ZFYVE27: variants seen among roughly 807,000 people sequenced by gnomAD.
The protein encoded by ZFYVE27 is protrudin.
In ZFYVE27, 36 loss-of-function variants were observed where a neutral mutation model predicts 52.8. That is an observed-to-expected ratio of 0.68 (90% CI 0.52 to 0.90). The LOEUF is 0.90. Among genes scored for constraint, ZFYVE27 ranks in the 40% least tolerant of loss-of-function variants. The pLI, the probability that ZFYVE27 is intolerant of heterozygous loss-of-function variation, is 0.00. For missense variants in ZFYVE27, 450 were observed against 527.2 expected (o/e 0.85, Z 1.43); for synonymous variants, 223 against 215.6 (o/e 1.03, Z -0.30).
chr10:97,747,483 C>T (rs551376961), intron 4 of ZFYVE27, among the ~76,000 whole-genome samples: 2 of 152,104 alleles, frequency 1.3e-5, no homozygotes, highest in Non-Finnish European at 1.5e-5. Flanking sequence ...ATTATTCTAT[C>T]GACATTTTTT....
chr10:97,754,910 C>G (rs1313466503), intron 10 of ZFYVE27: 2 of 897,292 alleles, frequency 2.2e-6, no homozygotes, highest in African/African-American at 3.6e-5. Flanking sequence ...AAAAAGAGTG[C>G]TTTGCCCAGA....
chr10:97,737,536 A>C (rs781746735), intron 1 of ZFYVE27, among the ~76,000 whole-genome samples: 1 of 152,200 alleles, frequency 6.6e-6, no homozygotes, highest in East Asian at 1.9e-4. Flanking sequence ...TCCTGGGCTC[A>C]TACCTGGCGC....
chr10:97,758,813 G>C (rs1469431744), intron 12 of ZFYVE27, among the ~76,000 whole-genome samples: 1 of 151,480 alleles, frequency 6.6e-6, no homozygotes, highest in East Asian at 2.0e-4. Flanking sequence ...ACAGAGTCTC[G>C]CTCTGTCGCC....
chr10:97,744,442 C>T (rs756983413), intron 3 of ZFYVE27, among the ~76,000 whole-genome samples: 1 of 152,180 alleles, frequency 6.6e-6, no homozygotes, highest in Non-Finnish European at 1.5e-5. Flanking sequence ...AGGATGGGGC[C>T]ACAGCAGTGA....
At chr10:97,749,667 C>A in intron 6 of ZFYVE27, 81 bp downstream of exon 6, 1 of 1,132,600 alleles carries the variant, frequency 8.8e-7, no homozygotes, top group Non-Finnish European at 1.3e-6. Flanking sequence ...TCTGTCTCTA[C>A]AGCTAATCAT....
chr10:97,738,295 G>A (rs1284434412), intron 1 of ZFYVE27, among the ~76,000 whole-genome samples, 182 bp from the exon 2 acceptor site: 1 of 152,182 alleles, frequency 6.6e-6, no homozygotes, highest in Non-Finnish European at 1.5e-5. Flanking sequence ...ATGATTTTTA[G>A]TTTTGATGGA....
chr10:97,744,305 GA>G (rs2044573345), intron 3 of ZFYVE27, among the ~76,000 whole-genome samples: 1 of 152,228 alleles, frequency 6.6e-6, no homozygotes, highest in Non-Finnish European at 1.5e-5. Flanking sequence ...CCTAAAAGCT[GA>G]ACGAAAGGCT....
At chr10:97,743,004 C>T in intron 2 of ZFYVE27, 90 bp from the exon 3 acceptor site, 3 of 1,397,662 alleles carry the variant, frequency 2.1e-6, no homozygotes, top group East Asian at 2.3e-5. Context: ...GCCTCCTCTT[C>T]TGGTTTGATG....
chr10:97,749,613 G>C (rs1291293808), intron 6 of ZFYVE27, 27 bp downstream of exon 6: 2 of 1,589,448 alleles, frequency 1.3e-6, no homozygotes, highest in South Asian at 2.2e-5. Flanking sequence ...CTGAAAGATG[G>C]GGCCCAAGCT....
At chr10:97,757,504 C>T (rs931068097) in intron 11 of ZFYVE27, 138 bp from the exon 12 acceptor site, 148 of 1,255,200 alleles carry the variant, frequency 1.2e-4, no homozygotes, top group Non-Finnish European at 1.6e-4. Context: ...ATTCCATTTG[C>T]TCTCTTTCCT....
chr10:97,755,263 T>A (rs11189357), intron 10 of ZFYVE27, among the ~76,000 whole-genome samples: 95,378 of 152,194 alleles, frequency 0.63, 31,789 homozygotes, highest in Non-Finnish European at 0.75. Flanking sequence ...GTAGCAGCTC[T>A]GCTCCTGCGG....
rs150951341 is a variant in ZFYVE27 at position 97,748,354 on chromosome 10, G to A, written c.541G>A (p.Val181Met). ...YRVLHWENPVVSSQFYGALLG... is the reference protein window; with the variant it reads ...YRVLHWENPVMSSQFYGALLG... ...CGTGCTGCACTGGGAGAACCCCGTC[G>A]TGTCCTCACAGTGAGTGACCCCTCC... Residue 181 changes from valine (V) to methionine (M), a missense_variant, in exon 5 of 13, where the codon GTG becomes ATG. Coordinates refer to ENST00000684270, the MANE Select transcript of ZFYVE27 (RefSeq NM_001385875.1). The A allele has an allele frequency of 9.9e-5, 159 of 1,614,010 alleles. 1 individual carries two copies. In the East Asian group the frequency reaches 1.1e-3, roughly 12 times the overall value.
intron 4 of ZFYVE27, 52 bp downstream of exon 4, chr10:97,744,967 G>A: frequency 6.5e-7 from 1 of 1,535,878 alleles, no homozygotes; most frequent in Non-Finnish European, 8.7e-7. Flanking sequence ...CAGCAGCCAT[G>A]ACACTAAGTG....
In ZFYVE27 at chr10:97,757,308, G is replaced by A; in HGVS notation, c.1086G>A (p.Lys362=). 2 of 1,614,164 alleles carry A rather than the reference G, an allele frequency of 1.2e-6. No homozygotes were observed. The highest frequency in any genetic ancestry group is 1.7e-6 in the Non-Finnish European group (2 of 1,180,024). ...GCSATFSVLK[K]RRSCSNCGNS... ...CGGCCACCTTCTCAGTGCTGAAGAA[G>A]AGGGTGAGTGTCTGTGAGGGTGCAT... The change falls in exon 11 of 13, where the codon AAG becomes AAA. Residue 362 remains lysine (K), a synonymous_variant. Coordinates refer to ENST00000684270, the MANE Select transcript of ZFYVE27 (RefSeq NM_001385875.1).
Position 97,742,711 on chromosome 10 carries a change from T to G in ZFYVE27, c.198-383T>G, listed in dbSNP as rs1377919286. Among the ~76,000 whole-genome samples the G allele has an allele frequency of 2.6e-5, 4 of 152,328 alleles. No individual in the cohort carries two copies. In the East Asian group the frequency reaches 7.7e-4, roughly 29 times the overall value. On this transcript the variant is annotated intron_variant, in intron 2 of 12. Transcript: ENST00000684270. ...AGTTGAATCTTGTGCAATGATTATA[T>G]ATTCTTATGAAATTATAAAAAAAGA...
intron 10 of ZFYVE27, among the ~76,000 whole-genome samples, chr10:97,754,063 G>T (rs1397891395): frequency 1.3e-5 from 2 of 152,156 alleles, no homozygotes; most frequent in Non-Finnish European, 2.9e-5. Context: ...CTGAGGAAGG[G>T]CCCTCCTGCC....
intron 4 of ZFYVE27, among the ~76,000 whole-genome samples, chr10:97,746,431 C>T (rs1014110781): frequency 2.8e-4 from 42 of 152,276 alleles, no homozygotes; most frequent in Admixed American, 2.4e-3. Context: ...AACATTTTGC[C>T]ATGTTGGCTT....
At chr10:97,744,519 A>G (rs950195435) in intron 3 of ZFYVE27, among the ~76,000 whole-genome samples, 6 of 152,220 alleles carry the variant, frequency 3.9e-5, no homozygotes, top group South Asian at 2.1e-4. Context: ...CATGCCTGCA[A>G]TGTGTCATGT....
intron 6 of ZFYVE27, 138 bp from the exon 7 acceptor site, chr10:97,750,193 T>C: frequency 9.4e-7 from 1 of 1,067,676 alleles, no homozygotes; most frequent in Non-Finnish European, 1.4e-6. Context: ...GTTAGGTGAC[T>C]CGCTCAGAGT....
Sources: allele counts gnomAD v4.1 joint callset (sites outside exome capture counted in the v4.1 genomes callset), GRCh38; gene constraint gnomAD v4.1.1; transcripts MANE v1.5; gene names NCBI Gene and HGNC (gene_info 2026-07-23, HGNC 2026-07-21).